WDFY3: variants seen among roughly 807,000 people sequenced by gnomAD.
WDFY3 encodes WD repeat and FYVE domain-containing protein 3.
A neutral mutation model predicts 409.6 loss-of-function variants in WDFY3; 66 were observed. The observed-to-expected ratio is 0.16, with a 90% CI of 0.13 to 0.20. The LOEUF (loss-of-function observed/expected upper bound fraction) is 0.20. Ranked by LOEUF, WDFY3 falls within the 10% of genes least tolerant of loss-of-function variation. The probability of loss-of-function intolerance (pLI) is 1.00; values close to 1 mark genes in which losing one functional copy is unlikely to be tolerated. For synonymous variants in WDFY3, 1,521 were observed against 1,537.1 expected, an observed-to-expected ratio of 0.99 and a Z score of 0.25; for missense variants, 3,031 against 4,298.1, an observed-to-expected ratio of 0.71 and a Z score of 8.24.
chr4:84,777,789 A>G (rs1224992745), intron 27 of WDFY3, among the ~76,000 whole-genome samples: 1 of 152,186 alleles, frequency 6.6e-6, no homozygotes, highest in Non-Finnish European at 1.5e-5. Flanking sequence ...CCCCAATCAT[A>G]AAGCCCATAG....
chr4:84,760,352 T>C (rs1002019273), intron 32 of WDFY3, among the ~76,000 whole-genome samples: 4 of 151,892 alleles, frequency 2.6e-5, no homozygotes, highest in African/African-American at 9.7e-5. Context: ...TCTTTTTCTA[T>C]TGATTGGAAT....
chr4:84,822,549 T>A (rs1379079600), intron 10 of WDFY3, among the ~76,000 whole-genome samples: 1 of 151,668 alleles, frequency 6.6e-6, no homozygotes, highest in African/African-American at 2.4e-5. Context: ...TAAAAAAAAA[T>A]TTAGCTGGGG....
chr4:84,916,725 T>C (rs552707364), intron 2 of WDFY3, among the ~76,000 whole-genome samples: 4 of 152,194 alleles, frequency 2.6e-5, no homozygotes, highest in African/African-American at 7.2e-5. Flanking sequence ...TGAAAATGAA[T>C]ATACTGAATT....
At chr4:84,792,260 A>T (rs1029995096) in intron 21 of WDFY3, among the ~76,000 whole-genome samples, 12 of 152,228 alleles carry the variant, frequency 7.9e-5, no homozygotes, top group African/African-American at 2.9e-4. Context: ...AATCTTATCC[A>T]TGAGGTGACT....
intron 61 of WDFY3, among the ~76,000 whole-genome samples, chr4:84,689,082 A>G (rs1293495815): frequency 6.6e-6 from 1 of 152,232 alleles, no homozygotes; most frequent in Non-Finnish European, 1.5e-5. Context: ...CTTCCACACT[A>G]GAATGTAAGA....
chr4:84,849,818 T>C, intron 5 of WDFY3, 84 bp downstream of exon 5: 1 of 1,557,226 alleles, frequency 6.4e-7, no homozygotes, highest in Non-Finnish European at 8.7e-7. Context: ...ACAAGGTCTG[T>C]TTTCCATTTA....
intron 2 of WDFY3, among the ~76,000 whole-genome samples, chr4:84,913,901 C>G (rs1332839044): frequency 6.6e-6 from 1 of 152,090 alleles, no homozygotes; most frequent in East Asian, 1.9e-4. Context: ...ACTGCCAAGA[C>G]CAACCCCTTC....
chr4:84,806,427 C>G (rs1162423611), intron 15 of WDFY3, among the ~76,000 whole-genome samples: 1 of 152,140 alleles, frequency 6.6e-6, no homozygotes, highest in Non-Finnish European at 1.5e-5. Flanking sequence ...AGGGCTCAAT[C>G]AACTAGCTAT....
rs145395791 is a variant in WDFY3 at position 84,826,895 on chromosome 4, C to T, written c.1043G>A (p.Ser348Asn). 1.5e-4 allele frequency: 246 copies of T among 1,610,992 alleles called. No homozygotes were observed. The highest frequency in any genetic ancestry group is 2.0e-4 in the Non-Finnish European group (230 of 1,179,194). The part of the protein sequence containing the change: ...LITSLTTYGV[S>N]ELKPAGITTG... ...GGTAATACCAGCTGGTTTTAGTTCA[C>T]TGACACCATATGTTGTTAGGGAAGT... is the stretch of plus-strand genomic sequence containing the variant. Residue 348 changes from serine to asparagine, a missense_variant, in exon 10 of 68, where the codon AGT becomes AAT. Physicochemically the swap from Ser to Asn is conservative, Grantham distance 46. Around this residue, in one of 16 missense-constraint regions of WDFY3, gnomAD observed 1,322 missense variants for 1,697.9 expected, o/e 0.78. Coordinates refer to ENST00000295888, the MANE Select transcript of WDFY3 (RefSeq NM_014991.6).
chr4:84,862,704 T>C (rs1351592816), intron 3 of WDFY3, among the ~76,000 whole-genome samples: 1 of 152,116 alleles, frequency 6.6e-6, no homozygotes, highest in Non-Finnish European at 1.5e-5. Context: ...ATTTTTTTTT[T>C]CTGCTGGGCG....
Position 84,787,545 on chromosome 4 carries a change from C to A in WDFY3, c.3838G>T (p.Val1280Phe), listed in dbSNP as rs778918469. 8 of 1,613,994 alleles carry A rather than the reference C, an allele frequency of 5.0e-6. No individual in the cohort carries two copies. The highest frequency in any genetic ancestry group is 5.1e-6 in the Non-Finnish European group (6 of 1,180,038). The change falls in exon 23 of 68, where the codon GTT becomes TTT. Residue 1280 changes from valine to phenylalanine, a missense_variant. By Grantham distance (50) the Val-to-Phe change is conservative (BLOSUM62 -1). Around this residue, in one of 16 missense-constraint regions of WDFY3, gnomAD observed 1,322 missense variants for 1,697.9 expected, o/e 0.78. Transcript: ENST00000295888. The part of the protein sequence containing the change: ...FLEEVLPSSN[V>F]TTIYELGPNY... Reference sequence around the variant, plus strand: ...GGTCCAAGTTCATAAATGGTAGTAACATTTGAAGAAGGTAAAACTTCTTCT... The same window carrying A: ...GGTCCAAGTTCATAAATGGTAGTAAAATTTGAAGAAGGTAAAACTTCTTCT...
chr4:84,682,546 G>A (rs960382147), intron 63 of WDFY3, 76 bp from the exon 64 acceptor site: 1 of 1,127,116 alleles, frequency 8.9e-7, no homozygotes, highest in African/African-American at 1.6e-5. Flanking sequence ...TCAATGAAGA[G>A]AGACTGTCAG....
At chr4:84,915,432 G>C (rs1346133861) in intron 2 of WDFY3, among the ~76,000 whole-genome samples, 2 of 152,086 alleles carry the variant, frequency 1.3e-5, no homozygotes, top group Admixed American at 6.6e-5. Context: ...AAAATTTTCA[G>C]GCAAACATAA....
At chr4:84,770,856 G>C (rs141132790) in intron 30 of WDFY3, among the ~76,000 whole-genome samples, 107 of 151,948 alleles carry the variant, frequency 7.0e-4, no homozygotes, top group African/African-American at 2.4e-3. Flanking sequence ...TCATTTTTTA[G>C]AACATTATAC....
chr4:84,780,349 A>T lies in WDFY3; in HGVS notation c.4175-51T>A, dbSNP rs758187081. ...TTAAGATAAATTCCCCATGTGAACA[A>T]GAACTGTATACATCATCTTGAAAAG... On this transcript the variant is annotated intron_variant, in intron 25 of 67. Coordinates refer to ENST00000295888, the MANE Select transcript of WDFY3 (RefSeq NM_014991.6). 3 of 1,525,896 alleles carry T rather than the reference A, an allele frequency of 2.0e-6. No individual in the cohort carries two copies. The African/African-American group carries it at 4.1e-5, about 21-fold the overall frequency. 94.5% of individuals were successfully genotyped at this position (1,525,896 alleles called of 1,614,324 possible). A position where few individuals can be genotyped will look rare whatever the true frequency, so the allele number is the denominator to read the frequency against.
At chr4:84,929,934 A>G (rs1770536451) in intron 2 of WDFY3, among the ~76,000 whole-genome samples, 1 of 151,964 alleles carries the variant, frequency 6.6e-6, no homozygotes, top group Non-Finnish European at 1.5e-5. Context: ...ATCTAGACAC[A>G]AGAGACATGC....
At chr4:84,854,192 A>C (rs1262421197) in intron 4 of WDFY3, among the ~76,000 whole-genome samples, 1 of 152,176 alleles carries the variant, frequency 6.6e-6, no homozygotes, top group African/African-American at 2.4e-5. Flanking sequence ...AGAGACAAGG[A>C]AAGAGGGTTG....
At chr4:84,780,634 C>A (rs555487506) in intron 25 of WDFY3, among the ~76,000 whole-genome samples, 2 of 152,100 alleles carry the variant, frequency 1.3e-5, no homozygotes, top group East Asian at 1.9e-4. Flanking sequence ...CGTGGTTGCA[C>A]GCGCCTACAA....
chr4:84,787,820 A>T, intron 22 of WDFY3, 107 bp from the exon 23 acceptor site: 1 of 1,001,384 alleles, frequency 1.0e-6, no homozygotes, highest in Non-Finnish European at 1.5e-6. Flanking sequence ...CAACTTTACA[A>T]ATGCACAAAA....
Sources: gnomAD v4.1 joint callset for allele counts (sites outside exome capture counted in the v4.1 genomes callset) on GRCh38, gnomAD v4.1.1 for gene constraint, gnomAD v4.1.1 regional missense constraint, MANE v1.5 for transcripts, NCBI Gene and HGNC (gene_info 2026-07-23, HGNC 2026-07-21) for gene names.